The following SGCZ variants were observed in gnomAD, a reference collection of about 807,000 sequenced individuals.
SGCZ encodes the protein sarcoglycan zeta.
A neutral mutation model predicts 41.3 loss-of-function variants in SGCZ; 40 were observed. The observed-to-expected ratio is 0.97, with a 90% CI of 0.75 to 1.26. SGCZ has a LOEUF of 1.26. SGCZ is among the 50% of genes most tolerant of loss of function. The pLI, the probability that SGCZ is intolerant of heterozygous loss-of-function variation, is 0.00. For synonymous variants in SGCZ, 206 were observed against 137.5 expected, an observed-to-expected ratio of 1.50 and a Z score of -3.49; for missense variants, 552 against 369.8, an observed-to-expected ratio of 1.49 and a Z score of -4.04.
intron 3 of SGCZ, among the ~76,000 whole-genome samples, chr8:14,273,768 G>C (rs189657343): frequency 1.7e-4 from 26 of 152,204 alleles, no homozygotes; most frequent in Non-Finnish European, 2.2e-4. Context: ...TAGATACTAA[G>C]TGTAAAAACT....
At chr8:14,744,208 G>T (rs1368559613) in intron 1 of SGCZ, among the ~76,000 whole-genome samples, 1 of 152,190 alleles carries the variant, frequency 6.6e-6, no homozygotes. Context: ...AAGAAACAGA[G>T]GCATTGTTTT....
rs376358785 is a variant in SGCZ at position 14,580,119 on chromosome 8, A to C, written c.40-25193T>G. ...AAAGGTCCCGGAGAAAGACAGACCT[A>C]ATAACATAATCACAAACACAGAATT... On this transcript the variant is annotated intron_variant, in intron 1 of 7. Coordinates refer to ENST00000382080, the MANE Select transcript of SGCZ (RefSeq NM_139167.4). Among the ~76,000 whole-genome samples, 7 of 152,282 alleles carry C rather than the reference A, an allele frequency of 4.6e-5. No individual in the cohort carries two copies. The South Asian group carries it at 1.5e-3, about 32-fold the overall frequency.
intron 2 of SGCZ, among the ~76,000 whole-genome samples, chr8:14,440,901 G>T (rs1225599878): frequency 6.6e-6 from 1 of 151,694 alleles, no homozygotes; most frequent in South Asian, 2.1e-4. Flanking sequence ...AAGACTAGGG[G>T]TTTACGTAAA....
chr8:14,167,217 C>T (rs987826981), intron 4 of SGCZ, among the ~76,000 whole-genome samples: 20 of 152,042 alleles, frequency 1.3e-4, no homozygotes, highest in Admixed American at 1.2e-3. Context: ...TTATTATATT[C>T]TAAGATGCAC....
At chr8:14,237,000 T>C (rs1201029894) in intron 4 of SGCZ, among the ~76,000 whole-genome samples, 1 of 152,082 alleles carries the variant, frequency 6.6e-6, no homozygotes, top group African/African-American at 2.4e-5. Flanking sequence ...AATTGATAAA[T>C]GTTAATATTT....
chr8:14,533,978 A>C (rs774749857), intron 2 of SGCZ, among the ~76,000 whole-genome samples: 10 of 151,960 alleles, frequency 6.6e-5, no homozygotes, highest in Non-Finnish European at 1.2e-4. Flanking sequence ...GTGACGTGAC[A>C]CAGCAGCAAG....
In SGCZ at chr8:14,639,043, T is replaced by A. The variant is rs1359602596; in HGVS notation, c.40-84117A>T. ...ATACACTAAGAAACTGGAATCTTTT[T>A]TTTTTTTTTTTGTCTTTTTTTGAGA... On this transcript the variant is annotated intron_variant, in intron 1 of 7. Coordinates refer to ENST00000382080, the MANE Select transcript of SGCZ (RefSeq NM_139167.4). 6.1e-3 allele frequency among the ~76,000 whole-genome samples: 913 copies of A among 150,154 alleles called. 3 individuals carry two copies. The highest frequency in any genetic ancestry group is 0.01 in the Non-Finnish European group (679 of 67,278).
intron 2 of SGCZ, among the ~76,000 whole-genome samples, chr8:14,500,442 T>A (rs1469824114): frequency 2.2e-5 from 1 of 45,988 alleles, no homozygotes; most frequent in Non-Finnish European, 6.7e-5. Context: ...TTCCAGTTAC[T>A]TTTTTTTTTT....
At chr8:15,195,212 A>G (rs1800683639) in intron 1 of SGCZ, among the ~76,000 whole-genome samples, 1 of 152,030 alleles carries the variant, frequency 6.6e-6, no homozygotes, top group Non-Finnish European at 1.5e-5. Flanking sequence ...TTTTCCGGGT[A>G]CCCTGCAGTT....
At chr8:14,649,325 C>T (rs939144176) in intron 1 of SGCZ, among the ~76,000 whole-genome samples, 2 of 152,098 alleles carry the variant, frequency 1.3e-5, no homozygotes, top group African/African-American at 2.4e-5. Flanking sequence ...GACATGCATA[C>T]TTTGCCAATG....
chr8:14,755,321 T>C (rs1799627724), intron 1 of SGCZ, among the ~76,000 whole-genome samples: 1 of 152,170 alleles, frequency 6.6e-6, no homozygotes, highest in Non-Finnish European at 1.5e-5. Context: ...TAAAATGCAC[T>C]TTCTATTTGT....
intron 1 of SGCZ, among the ~76,000 whole-genome samples, chr8:14,728,504 C>T (rs1373854807): frequency 6.6e-6 from 1 of 151,492 alleles, no homozygotes; most frequent in African/African-American, 2.4e-5. Flanking sequence ...TGGAAAAAGA[C>T]ACGAAAATGA....
intron 1 of SGCZ, among the ~76,000 whole-genome samples, chr8:14,839,589 T>C (rs1325281492): frequency 1.3e-5 from 2 of 152,106 alleles, no homozygotes; most frequent in Admixed American, 1.3e-4. Context: ...CAATAAACAC[T>C]TTTTTTCCAC....
At chr8:14,376,308 C>G (rs1234419028) in intron 2 of SGCZ, among the ~76,000 whole-genome samples, 1 of 151,082 alleles carries the variant, frequency 6.6e-6, no homozygotes, top group Non-Finnish European at 1.5e-5. Flanking sequence ...GGGACTCAAT[C>G]TCAAAAAAAT....
chr8:14,551,532 TA>T (rs1803840507), intron 2 of SGCZ, among the ~76,000 whole-genome samples: 12 of 5,624 alleles, frequency 2.1e-3, no homozygotes, highest in South Asian at 6.0e-3. Context: ...ATAATATATA[TA>T]ATATATATAA....
At chr8:14,636,016 G>A (rs770187323) in intron 1 of SGCZ, among the ~76,000 whole-genome samples, 9 of 151,804 alleles carry the variant, frequency 5.9e-5, no homozygotes, top group Non-Finnish European at 7.4e-5. Context: ...TGCAAAAGAA[G>A]AGCTGTCCAA....
chr8:15,024,409 T>A (rs1026073230), intron 1 of SGCZ, among the ~76,000 whole-genome samples: 2 of 152,210 alleles, frequency 1.3e-5, no homozygotes, highest in African/African-American at 4.8e-5. Flanking sequence ...GAGTTGTGCC[T>A]GGCATTTACT....
intron 2 of SGCZ, among the ~76,000 whole-genome samples, chr8:14,339,967 A>G (rs1802645660): frequency 6.6e-6 from 1 of 152,234 alleles, no homozygotes; most frequent in Non-Finnish European, 1.5e-5. Context: ...CAACATTAAT[A>G]GTAAAGCATA....
intron 1 of SGCZ, among the ~76,000 whole-genome samples, chr8:14,758,032 A>G (rs1346366982): frequency 5.3e-5 from 8 of 152,212 alleles, no homozygotes; most frequent in Non-Finnish European, 1.5e-5. Context: ...ATACATAAAT[A>G]TATAAAATAT....
Sources: gnomAD v4.1 joint callset for allele counts (sites outside exome capture counted in the v4.1 genomes callset) on GRCh38, gnomAD v4.1.1 for gene constraint, MANE v1.5 for transcripts, NCBI Gene and HGNC (gene_info 2026-07-23, HGNC 2026-07-21) for gene names.